The following RTEL1 variants were observed in gnomAD, a reference collection of about 807,000 sequenced individuals.
RTEL1 encodes regulator of telomere elongation helicase 1, also known as regulator of telomere length.
A neutral mutation model predicts 162.2 loss-of-function variants in RTEL1; 86 were observed. That is an observed-to-expected ratio of 0.53 (90% CI 0.45 to 0.63). The LOEUF (loss-of-function observed/expected upper bound fraction) is 0.63. RTEL1 is among the 30% of genes least tolerant of loss of function. The probability of loss-of-function intolerance (pLI) is 0.00; values close to 1 mark genes in which losing one functional copy is unlikely to be tolerated. For synonymous variants in RTEL1, 958 were observed against 717.9 expected (o/e 1.33, Z -5.35); for missense variants, 1,941 against 1,750.2 (o/e 1.11, Z -1.95).
intron 14 of RTEL1, among the ~76,000 whole-genome samples, chr20:63,683,309 A>G (rs1284762246): frequency 1.3e-5 from 2 of 152,220 alleles, no homozygotes; most frequent in African/African-American, 4.8e-5. Flanking sequence ...AGGCAGACTC[A>G]GCCCTGCTCA....
At chr20:63,675,667 C>G (rs1447262259) in intron 10 of RTEL1, among the ~76,000 whole-genome samples, 1 of 152,216 alleles carries the variant, frequency 6.6e-6, no homozygotes, top group Non-Finnish European at 1.5e-5. Context: ...GTGTGCACCA[C>G]TGCCACCGGC....
intron 9 of RTEL1, among the ~76,000 whole-genome samples, chr20:63,673,165 G>A (rs2090279934): frequency 6.6e-6 from 1 of 152,008 alleles, no homozygotes; most frequent in African/African-American, 2.4e-5. Flanking sequence ...AGGCTGAGGT[G>A]GGCGGATCAC....
chr20:63,675,786 G>T (rs2090336931), intron 10 of RTEL1, among the ~76,000 whole-genome samples: 1 of 152,186 alleles, frequency 6.6e-6, no homozygotes, highest in African/African-American at 2.4e-5. Flanking sequence ...CTCTAACGGG[G>T]TGGACGGCCG....
intron 9 of RTEL1, among the ~76,000 whole-genome samples, chr20:63,673,562 C>T (rs2090288079): frequency 6.6e-6 from 1 of 151,970 alleles, no homozygotes; most frequent in Non-Finnish European, 1.5e-5. Flanking sequence ...CCTCAGCCTC[C>T]CGAGTAGCCG....
intron 6 of RTEL1, among the ~76,000 whole-genome samples, chr20:63,663,564 A>G (rs1014232502): frequency 3.3e-5 from 5 of 152,176 alleles, no homozygotes; most frequent in South Asian, 4.1e-4. Context: ...GGGTATGTCA[A>G]GGGCTTCTGG....
chr20:63,670,357 A>C, intron 8 of RTEL1, among the ~76,000 whole-genome samples: 1 of 81,032 alleles, frequency 1.2e-5, no homozygotes, highest in African/African-American at 6.0e-5. Context: ...CCAGTTAACC[A>C]CTGGGAGAGC....
At chr20:63,679,597 C>G (rs1569096641) in intron 12 of RTEL1, among the ~76,000 whole-genome samples, 1 of 152,156 alleles carries the variant, frequency 6.6e-6, no homozygotes, top group Non-Finnish European at 1.5e-5. Flanking sequence ...AGGCCTCTCA[C>G]CTCCAATGCT....
At chr20:63,687,558 G>C in intron 16 of RTEL1, 80 bp from the exon 17 acceptor site, 1 of 1,437,614 alleles carries the variant, frequency 7.0e-7, no homozygotes, top group South Asian at 1.3e-5. Flanking sequence ...GGTGGAGAGG[G>C]TGATGGGCAG....
intron 12 of RTEL1, among the ~76,000 whole-genome samples, chr20:63,679,313 G>A (rs1348764305): frequency 6.6e-6 from 1 of 152,196 alleles, no homozygotes; most frequent in Non-Finnish European, 1.5e-5. Flanking sequence ...TCAGCGTAAT[G>A]CTCAAGGCTC....
rs772510897 is a variant in RTEL1, at chr20:63,685,577, G to A, written c.1246G>A (p.Gly416Arg). 2 of 1,612,164 alleles carry A rather than the reference G, an allele frequency of 1.2e-6. No homozygotes were observed. The highest frequency in any genetic ancestry group is 3.3e-5 in the Admixed American group (2 of 59,966). Residue 416 changes from glycine to arginine, a missense_variant, in exon 15 of 35, where the codon GGG (glycine) becomes AGG (arginine). Coordinates refer to ENST00000360203, the MANE Select transcript of RTEL1 (RefSeq NM_001283009.2). ...EGSPGSPAGLGALQSYKVHIH... is the reference protein window; with the variant it reads ...EGSPGSPAGLRALQSYKVHIH... ...CAGCCCTGGTTCCCCAGCAGGGCTG[G>A]GGGCCTTACAGTCCTATAAGGTAGG...
At chr20:63,674,180 C>T (rs1228522991) in intron 10 of RTEL1, 87 bp downstream of exon 10, 2 of 1,514,246 alleles carry the variant, frequency 1.3e-6, no homozygotes, top group Non-Finnish European at 1.8e-6. Context: ...ACTCCCCCAG[C>T]CCAGGTGCGT....
Position 63,678,134 on chromosome 20 carries a change from C to G in RTEL1, c.920-11C>G, listed in dbSNP as rs751045965. 1.2e-6 allele frequency: 2 copies of G among 1,614,196 alleles called. No homozygotes were observed. The highest frequency in any genetic ancestry group is 4.5e-5 in the East Asian group (2 of 44,894). On this transcript the variant is annotated splice_polypyrimidine_tract_variant and intron_variant, in intron 10 of 34. Transcript: ENST00000360203. ...GATGCAGACTGCCTTTGCTGCCTTT[C>G]TCTTGCCCAGGGCTGAACATGGAGC...
intron 15 of RTEL1, 43 bp downstream of exon 15, chr20:63,685,640 T>C (rs2090575955): frequency 6.3e-7 from 1 of 1,597,370 alleles, no homozygotes; most frequent in African/African-American, 1.3e-5. Context: ...CAGCCCTTGT[T>C]CCCCGGCAGG....
intron 11 of RTEL1, 28 bp downstream of exon 11, chr20:63,678,211 C>T (rs759077039): frequency 6.2e-7 from 1 of 1,613,358 alleles, no homozygotes; most frequent in African/African-American, 1.3e-5. Context: ...CGCCTCCTTG[C>T]AGCTGGGTGG....
chr20:63,687,547 G>A (rs2090624997), intron 16 of RTEL1, 91 bp from the exon 17 acceptor site: 6 of 1,378,876 alleles, frequency 4.4e-6, no homozygotes, highest in Non-Finnish European at 5.8e-6. Context: ...TGATGCCAGT[G>A]GGTGGAGAGG....
rs1380515012 is a variant in RTEL1 at position 63,690,284 on chromosome 20, G to A, written c.2266-10G>A. The A allele has an allele frequency of 6.2e-7, 1 of 1,601,752 alleles. No individual in the cohort carries two copies. Among genetic ancestry groups the A allele is most frequent in the South Asian group, 1.1e-5 (1 of 90,710 alleles). On this transcript the variant is annotated splice_polypyrimidine_tract_variant and intron_variant, in intron 25 of 34. Coordinates refer to ENST00000360203, the MANE Select transcript of RTEL1 (RefSeq NM_001283009.2). Reference sequence around the variant, plus strand: ...CAGAAATGGGTCCACCCACCCCCATGGTTCTGCAGATGCCAGCGCCGGCCC... The same window carrying A: ...CAGAAATGGGTCCACCCACCCCCATAGTTCTGCAGATGCCAGCGCCGGCCC...
At position 63,679,962 on chromosome 20, in the gene RTEL1, G is replaced by C; in HGVS notation, c.1135+16G>C. On this transcript the variant is annotated intron_variant, in intron 13 of 34. Transcript: ENST00000360203. The stretch of plus-strand genomic sequence containing the variant: ...CTGGCAGGACGTGAGTGCTGGCACG[G>C]GGTCTTTGGTGCGGGCAAATGTGGC... The C allele has an allele frequency of 6.3e-7, 1 of 1,593,560 alleles. No homozygotes were observed. The highest frequency in any genetic ancestry group is 8.6e-7 in the Non-Finnish European group (1 of 1,165,178).
At position 63,688,595 on chromosome 20, in the gene RTEL1, G is replaced by T; in HGVS notation, c.1790G>T (p.Ser597Ile). The part of the protein sequence containing the change: ...PLFVEPRSKG[S>I]FSETISAYYA... ...TTTGTGGAGCCCAGGAGCAAAGGCA[G>T]CTTCTCCGAGGTCGGCACTTGGCCG... Residue 597 changes from serine to isoleucine, a missense_variant, in exon 21 of 35, where the codon AGC becomes ATC. Coordinates refer to ENST00000360203, the MANE Select transcript of RTEL1 (RefSeq NM_001283009.2). 6.2e-7 allele frequency: 1 copy of T among 1,608,408 alleles called. No homozygotes were observed.
intron 12 of RTEL1, 64 bp from the exon 13 acceptor site, chr20:63,679,785 C>G: frequency 7.8e-7 from 1 of 1,281,544 alleles, no homozygotes; most frequent in Non-Finnish European, 1.1e-6. Flanking sequence ...TTCTTCTCCT[C>G]AGTTCCCAAA....
Sources: allele counts gnomAD v4.1 joint callset (sites outside exome capture counted in the v4.1 genomes callset), GRCh38; gene constraint gnomAD v4.1.1; transcripts MANE v1.5; gene names NCBI Gene and HGNC (gene_info 2026-07-23, HGNC 2026-07-21).